POLA1: variants seen among roughly 807,000 people sequenced by gnomAD.
POLA1 encodes the protein DNA polymerase alpha catalytic subunit.
In POLA1, 15 loss-of-function variants were observed where a neutral mutation model predicts 124.0. The ratio of observed to expected loss-of-function variants is 0.12; its 90% CI spans 0.08 to 0.19. The LOEUF is 0.19. Among genes scored for constraint, POLA1 ranks in the 10% least tolerant of loss-of-function variants. The pLI is 1.00. For synonymous variants in POLA1, 408 were observed against 389.4 expected (o/e 1.05, Z -0.56); for missense variants, 886 against 1,103.4 (o/e 0.80, Z 2.79).
intron 26 of POLA1, among the ~76,000 whole-genome samples, chrX:24,760,387 C>A (rs926835878): frequency 2.1e-4 from 23 of 111,723 alleles, no homozygotes; most frequent in Non-Finnish European, 3.0e-4. Flanking sequence ...TTCCCACCCC[C>A]CAAATGAATC....
At position 24,961,632 on chromosome X, in the gene POLA1, A is replaced by G. The variant is rs1054169183; in HGVS notation, c.4261+31083A>G. ...TCTCCCAAAGTAAGCAAGACTCACTAAGATTCTTTGGCTGTCTCTGGAACC... is the reference window on the plus strand; with the variant it reads ...TCTCCCAAAGTAAGCAAGACTCACTGAGATTCTTTGGCTGTCTCTGGAACC... On this transcript the variant is annotated intron_variant, in intron 36 of 36. Transcript: ENST00000379068. 3.6e-5 allele frequency among the ~76,000 whole-genome samples: 4 copies of G among 111,527 alleles called. No individual in the cohort carries two copies. In the East Asian group the frequency reaches 1.1e-3, roughly 31 times the overall value.
intron 36 of POLA1, among the ~76,000 whole-genome samples, chrX:24,933,816 GT>G (rs2047813425): frequency 8.9e-6 from 1 of 112,547 alleles, no homozygotes; most frequent in South Asian, 3.7e-4. Context: ...TCAAACGAGA[GT>G]TTACAGACCA....
intron 26 of POLA1, among the ~76,000 whole-genome samples, chrX:24,789,931 T>A (rs2045460066): frequency 8.9e-6 from 1 of 111,949 alleles, no homozygotes; most frequent in Non-Finnish European, 1.9e-5. Context: ...AACTCCCATT[T>A]CTCTCCCAAA....
chrX:24,694,409 C>G (rs1927833478), intron 1 of POLA1, among the ~76,000 whole-genome samples: 1 of 112,635 alleles, frequency 8.9e-6, no homozygotes, highest in Non-Finnish European at 1.9e-5. Flanking sequence ...GTAGGAACTT[C>G]CAGGAAAATT....
chrX:24,740,950 A>G (rs978393829), intron 20 of POLA1, among the ~76,000 whole-genome samples: 2 of 111,149 alleles, frequency 1.8e-5, no homozygotes, highest in Non-Finnish European at 3.8e-5. Context: ...CCCCGTGAGG[A>G]CATAAGCTCC....
In POLA1 at chrX:24,912,575, G is replaced by A. The variant is rs751867350; in HGVS notation, c.4165-17878G>A. On this transcript the variant is annotated intron_variant, in intron 35 of 36. Transcript: ENST00000379068. ...GACTTGAATAGATTCTTCACCATAG[G>A]AAATATAAGGATGACAAACATGTGA... is the stretch of plus-strand genomic sequence containing the variant. 2.7e-5 allele frequency among the ~76,000 whole-genome samples: 3 copies of A among 111,277 alleles called. No homozygotes were observed. In the South Asian group the frequency reaches 1.1e-3, roughly 42 times the overall value.
At chrX:24,972,385 ATCT>A (rs1288133282) in intron 36 of POLA1, among the ~76,000 whole-genome samples, 5 of 112,234 alleles carry the variant, frequency 4.5e-5, no homozygotes, top group African/African-American at 1.3e-4. Context: ...ATTTTCTGAC[ATCT>A]TCTTTATCCT....
chrX:24,841,541 A>G (rs2046409496), intron 32 of POLA1, 111 bp from the exon 33 acceptor site: 5 of 415,159 alleles, frequency 1.2e-5, no homozygotes, highest in Non-Finnish European at 1.6e-5. Flanking sequence ...TTTGAGTTCA[A>G]ATGGTTGTGT....
In POLA1 at chrX:24,891,314, G is replaced by T. The variant is rs780455755; in HGVS notation, c.4164+3192G>T. Among the ~76,000 whole-genome samples, 9 of 111,423 alleles carry T rather than the reference G, an allele frequency of 8.1e-5. No homozygotes were observed. The South Asian group carries it at 3.4e-3, about 43-fold the overall frequency. Reference sequence around the variant, plus strand: ...CTCCTCTGGTTCCGGTGCTGCTCAGGACATGACCCTATGGAGTTACTCAGT... The same window carrying T: ...CTCCTCTGGTTCCGGTGCTGCTCAGTACATGACCCTATGGAGTTACTCAGT... On this transcript the variant is annotated intron_variant, in intron 35 of 36. Coordinates refer to ENST00000379068, the MANE Select transcript of POLA1 (RefSeq NM_001330360.2).
intron 30 of POLA1, among the ~76,000 whole-genome samples, chrX:24,816,951 GAGCATGGT>G (rs1334587056): frequency 2.7e-5 from 3 of 112,021 alleles, no homozygotes; most frequent in Non-Finnish European, 5.6e-5. Flanking sequence ...TAAAAGTAGA[GAGCATGGT>G]ATCATGGATC....
chrX:24,808,023 A>T (rs2045831495), intron 26 of POLA1, among the ~76,000 whole-genome samples: 1 of 112,235 alleles, frequency 8.9e-6, no homozygotes, highest in Non-Finnish European at 1.9e-5. Context: ...GCAGTTGCAG[A>T]ATTTGTTCTT....
intron 35 of POLA1, among the ~76,000 whole-genome samples, chrX:24,911,673 G>T (rs1308914597): frequency 6.3e-5 from 7 of 111,098 alleles, no homozygotes; most frequent in Non-Finnish European, 1.3e-4. Context: ...ATCTGTATTT[G>T]GAAAGATCAA....
chrX:24,801,591 G>A (rs558807523), intron 26 of POLA1, among the ~76,000 whole-genome samples: 17 of 110,714 alleles, frequency 1.5e-4, no homozygotes, highest in Middle Eastern at 4.6e-3. Context: ...ATTCGGTTGG[G>A]GAGTCTCGAG....
intron 4 of POLA1, among the ~76,000 whole-genome samples, chrX:24,712,383 G>A (rs765572355): frequency 8.9e-6 from 1 of 112,123 alleles, no homozygotes; most frequent in South Asian, 3.7e-4. Flanking sequence ...ACCATGCCCA[G>A]CCTCATATGC....
intron 35 of POLA1, among the ~76,000 whole-genome samples, chrX:24,896,805 G>A (rs187918124): frequency 1.8e-5 from 2 of 112,649 alleles, no homozygotes; most frequent in African/African-American, 6.4e-5. Context: ...GATGAAAACA[G>A]TTATAAAATA....
chrX:24,727,965 C>T, intron 15 of POLA1, 29 bp downstream of exon 15: 1 of 1,155,737 alleles, frequency 8.7e-7, no homozygotes, highest in Non-Finnish European at 1.2e-6. Context: ...ATTTTGTACC[C>T]ATGCCTTAGA....
chrX:24,851,753 T>C (rs749591287), intron 34 of POLA1, among the ~76,000 whole-genome samples: 44 of 113,236 alleles, frequency 3.9e-4, no homozygotes, highest in Non-Finnish European at 2.2e-4. Flanking sequence ...AGAATTCCTT[T>C]CTTCAGTTTG....
Position 24,741,423 on chromosome X carries a change from C to T in POLA1, c.2265C>T (p.Ala755=). 1 of 1,195,962 alleles carries T rather than the reference C, an allele frequency of 8.4e-7. No individual in the cohort carries two copies. The highest frequency in any genetic ancestry group is 1.1e-6 in the Non-Finnish European group (1 of 881,435). Residue 755 remains alanine, a synonymous_variant, in exon 21 of 37, where the codon GCC becomes GCT. Coordinates refer to ENST00000379068, the MANE Select transcript of POLA1 (RefSeq NM_001330360.2). The part of the protein sequence containing the change: ...LYLLEHTWKD[A]KFILQIMCEL... ...TGTTGGAACACACCTGGAAAGATGCCAAGTTCATTTTGCAGATCATGTGTG... is the reference window on the plus strand; with the variant it reads ...TGTTGGAACACACCTGGAAAGATGCTAAGTTCATTTTGCAGATCATGTGTG...
intron 26 of POLA1, among the ~76,000 whole-genome samples, chrX:24,783,448 C>A (rs956737207): frequency 8.9e-5 from 10 of 111,935 alleles, no homozygotes; most frequent in African/African-American, 3.2e-4. Flanking sequence ...GTAACCATTT[C>A]TGCTTTCTAG....
Sources: allele counts gnomAD v4.1 joint callset (sites outside exome capture counted in the v4.1 genomes callset), GRCh38; gene constraint gnomAD v4.1.1; transcripts MANE v1.5; gene names NCBI Gene and HGNC (gene_info 2026-07-23, HGNC 2026-07-21).